ADAMTS2: variants seen among roughly 807,000 people sequenced by gnomAD.
ADAMTS2 encodes the protein A disintegrin and metalloproteinase with thrombospondin motifs 2.
ADAMTS2 carries 50 observed loss-of-function variants against 123.0 expected under a neutral mutation model. The observed-to-expected ratio is 0.41, with a 90% CI of 0.32 to 0.51. The LOEUF (loss-of-function observed/expected upper bound fraction) is 0.51, where lower values mean the gene tolerates loss of function less well. ADAMTS2 is among the 20% of genes least tolerant of loss of function. ADAMTS2 has a pLI of 0.35. For missense variants in ADAMTS2, 1,494 were observed against 1,705.2 expected, an observed-to-expected ratio of 0.88 and a Z score of 2.18; for synonymous variants, 678 against 695.4, an observed-to-expected ratio of 0.98 and a Z score of 0.39.
chr5:179,333,596 GTTTT>G (rs1219136980), intron 2 of ADAMTS2, among the ~76,000 whole-genome samples: 4 of 105,992 alleles, frequency 3.8e-5, no homozygotes, highest in East Asian at 5.7e-4. Context: ...GTTTTTTTCT[GTTTT>G]TTTTTTTTTT....
chr5:179,269,744 T>C (rs1461538296), intron 3 of ADAMTS2, among the ~76,000 whole-genome samples: 3 of 152,136 alleles, frequency 2.0e-5, no homozygotes, highest in Non-Finnish European at 2.9e-5. Flanking sequence ...GAGAGGACAA[T>C]GCCACAGGGT....
rs1302864297 is a variant in ADAMTS2 at position 179,132,637 on chromosome 5, C to A, written c.2209+140G>T. The A allele has an allele frequency of 1.9e-5, 24 of 1,255,816 alleles. No individual in the cohort carries two copies. Among genetic ancestry groups the A allele is most frequent in the Admixed American group, 3.7e-5 (2 of 54,506 alleles). The allele number at this position is 1,255,816 out of a possible 1,614,324, so 77.8% of individuals were successfully genotyped here. A position where few individuals can be genotyped will look rare whatever the true frequency, so the allele number is the denominator to read the frequency against. On this transcript the variant is annotated intron_variant, in intron 14 of 21. Transcript: ENST00000251582. The surrounding 1 kb of genome is among the most constrained non-coding windows in gnomAD (Gnocchi z 6.1). Reference sequence around the variant, plus strand: ...CCCCGACTTAGGATTCTCCCTCCCCCTCAGTGTCACAGACCTCTCCCCCTC... The same window carrying A: ...CCCCGACTTAGGATTCTCCCTCCCCATCAGTGTCACAGACCTCTCCCCCTC...
intron 4 of ADAMTS2, among the ~76,000 whole-genome samples, chr5:179,187,120 C>T (rs1035199712): frequency 6.6e-6 from 1 of 152,088 alleles, no homozygotes; most frequent in South Asian, 2.1e-4. Context: ...TTGGTTCAGG[C>T]CTGGAATCCT....
intron 2 of ADAMTS2, among the ~76,000 whole-genome samples, chr5:179,300,938 C>T (rs1301842146): frequency 1.3e-5 from 2 of 152,088 alleles, no homozygotes; most frequent in African/African-American, 4.8e-5. Flanking sequence ...GGAGAGGTCC[C>T]GCAGGACAGA....
chr5:179,329,339 A>AAAAC (rs1757419743), intron 2 of ADAMTS2, among the ~76,000 whole-genome samples: 1 of 151,106 alleles, frequency 6.6e-6, no homozygotes, highest in Non-Finnish European at 1.5e-5. Flanking sequence ...AAAAAAAAAA[A>AAAAC]AAAACAAAAC....
At position 179,155,021 on chromosome 5, in the gene ADAMTS2, G is replaced by T; in HGVS notation, c.1133-102C>A. On this transcript the variant is annotated intron_variant, in intron 6 of 21. Transcript: ENST00000251582. This position sits in a 1 kb window ranked among gnomAD's most constrained non-coding sequence, Gnocchi z 5.1. ...CGCTGCTTCTCCTCAAGGCCCCAATGCCCTCTCTACCACAGGCAACTGCCC... is the reference window on the plus strand; with the variant it reads ...CGCTGCTTCTCCTCAAGGCCCCAATTCCCTCTCTACCACAGGCAACTGCCC... 9.5e-7 allele frequency: 1 copy of T among 1,047,204 alleles called. No homozygotes were observed. The highest frequency in any genetic ancestry group is 1.4e-6 in the Non-Finnish European group (1 of 689,776). 64.9% of individuals were successfully genotyped at this position (1,047,204 alleles called of 1,614,324 possible). A position where few individuals can be genotyped will look rare whatever the true frequency, so the allele number is the denominator to read the frequency against.
At chr5:179,176,954 T>C (rs1232820026) in intron 5 of ADAMTS2, among the ~76,000 whole-genome samples, 1 of 151,958 alleles carries the variant, frequency 6.6e-6, no homozygotes, top group Admixed American at 6.5e-5. Context: ...CATCTTCAGG[T>C]GTGGGTGGAA....
chr5:179,181,858 A>C lies in ADAMTS2; in HGVS notation c.892-703T>G, dbSNP rs1764056507. ...GATATCAAAGGGACCCGTGGCACAA[A>C]AACAGGGGGGTGAACTCCCCTTCTA... is the stretch of plus-strand genomic sequence containing the variant. On this transcript the variant is annotated intron_variant, in intron 4 of 21. Transcript: ENST00000251582. The surrounding 1 kb of genome is among the most constrained non-coding windows in gnomAD (Gnocchi z 4.1). 1.3e-5 allele frequency among the ~76,000 whole-genome samples: 2 copies of C among 152,242 alleles called. No individual in the cohort carries two copies. Among genetic ancestry groups the C allele is most frequent in the African/African-American group, 4.8e-5 (2 of 41,564 alleles).
chr5:179,154,044 C>G lies in ADAMTS2; in HGVS notation c.1382+5G>C. The G allele has an allele frequency of 6.3e-7, 1 of 1,599,210 alleles. No individual in the cohort carries two copies. The highest frequency in any genetic ancestry group is 8.5e-7 in the Non-Finnish European group (1 of 1,175,990). ...TCGCCCACGGGGCACATGGGCAGTA[C>G]TCACTGCAGGTAGCGGCTCAGCTCC... On this transcript the variant is annotated splice_donor_5th_base_variant and intron_variant, in intron 8 of 21. Coordinates refer to ENST00000251582, the MANE Select transcript of ADAMTS2 (RefSeq NM_014244.5).
intron 3 of ADAMTS2, among the ~76,000 whole-genome samples, chr5:179,271,584 T>C (rs1366899154): frequency 1.3e-5 from 2 of 151,740 alleles, no homozygotes; most frequent in Admixed American, 1.3e-4. Context: ...AGTCCAAGGG[T>C]GGGGATAAGT....
rs1264031470 is a variant in ADAMTS2 at position 179,225,634 on chromosome 5, C to T, written c.689-17919G>A. 6.6e-6 allele frequency among the ~76,000 whole-genome samples: 1 copy of T among 152,172 alleles called. No individual in the cohort carries two copies. Among genetic ancestry groups the T allele is most frequent in the Non-Finnish European group, 1.5e-5 (1 of 68,030 alleles). ...CGCACCAACGAGCACCAGCACGCTG[C>T]AGGCCACCGACCGGCAGAAGCAGAA... On this transcript the variant is annotated intron_variant, in intron 3 of 21. Transcript: ENST00000251582. The surrounding 1 kb of genome is among the most constrained non-coding windows in gnomAD (Gnocchi z 4.5).
chr5:179,336,267 T>C (rs1757609200), intron 2 of ADAMTS2, among the ~76,000 whole-genome samples: 1 of 152,194 alleles, frequency 6.6e-6, no homozygotes, highest in Non-Finnish European at 1.5e-5. Context: ...AGAGTCACGC[T>C]GTGAGGTCAA....
rs1160726185 is a variant in ADAMTS2 at position 179,225,808 on chromosome 5, T to G, written c.689-18093A>C. ...ACTCAATAAAACCTCGCACTCATTC[T>G]CCAAGCCCACGTGTGATCTGATTCT... On this transcript the variant is annotated intron_variant, in intron 3 of 21. Transcript: ENST00000251582. This position sits in a 1 kb window ranked among gnomAD's most constrained non-coding sequence, Gnocchi z 4.5. 6.6e-6 allele frequency among the ~76,000 whole-genome samples: 1 copy of G among 152,166 alleles called. No homozygotes were observed. Among genetic ancestry groups the G allele is most frequent in the African/African-American group, 2.4e-5 (1 of 41,442 alleles).
At chr5:179,232,495 C>T (rs754006345) in intron 3 of ADAMTS2, among the ~76,000 whole-genome samples, 1 of 152,194 alleles carries the variant, frequency 6.6e-6, no homozygotes, top group Non-Finnish European at 1.5e-5. Flanking sequence ...GGATATGAAC[C>T]CTGGCATGGC....
chr5:179,195,674 G>C (rs1764413523), intron 4 of ADAMTS2, among the ~76,000 whole-genome samples: 1 of 152,240 alleles, frequency 6.6e-6, no homozygotes, highest in African/African-American at 2.4e-5. Context: ...CTCGGGCCTG[G>C]CTACTGTGAG....
chr5:179,237,446 T>C (rs569372387), intron 3 of ADAMTS2, among the ~76,000 whole-genome samples: 36 of 152,242 alleles, frequency 2.4e-4, no homozygotes, highest in Non-Finnish European at 4.6e-4. Flanking sequence ...TCCAGAACCA[T>C]GAGAAAGAAA....
intron 2 of ADAMTS2, among the ~76,000 whole-genome samples, chr5:179,275,803 A>C (rs1188535358): frequency 2.0e-5 from 3 of 152,208 alleles, no homozygotes; most frequent in African/African-American, 7.2e-5. Flanking sequence ...CTGTGAGAGA[A>C]CGAATTCCTG....
In ADAMTS2 at chr5:179,181,651, G is replaced by C. The variant is rs1181184532; in HGVS notation, c.892-496C>G. Reference sequence around the variant, plus strand: ...TTCTAGGCCCACCACCAGGTATAATGTTTTAACGTGTTAATAAAAAGCTCA... The same window carrying C: ...TTCTAGGCCCACCACCAGGTATAATCTTTTAACGTGTTAATAAAAAGCTCA... On this transcript the variant is annotated intron_variant, in intron 4 of 21. Transcript: ENST00000251582. The surrounding 1 kb of genome is among the most constrained non-coding windows in gnomAD (Gnocchi z 4.1). Among the ~76,000 whole-genome samples, 1 of 152,156 alleles carries C rather than the reference G, an allele frequency of 6.6e-6. No homozygotes were observed. The highest frequency in any genetic ancestry group is 1.5e-5 in the Non-Finnish European group (1 of 68,040).
chr5:179,331,101 A>C (rs970998785), intron 2 of ADAMTS2, among the ~76,000 whole-genome samples: 8 of 151,308 alleles, frequency 5.3e-5, no homozygotes, highest in African/African-American at 1.9e-4. Flanking sequence ...GCACATTGGG[A>C]TGGCTCGTTG....
Sources: gnomAD v4.1 joint callset for allele counts (sites outside exome capture counted in the v4.1 genomes callset) on GRCh38, gnomAD v4.1.1 for gene constraint, Gnocchi (gnomAD v3.1) non-coding constraint, MANE v1.5 for transcripts, NCBI Gene and HGNC (gene_info 2026-07-23, HGNC 2026-07-21) for gene names.